Variants in THSD7B observed in about 807,000 individuals in gnomAD.
The protein encoded by THSD7B is thrombospondin type-1 domain-containing protein 7B.
Under a neutral mutation model 213.6 loss-of-function variants are expected in THSD7B, and 138 were observed. The ratio of observed to expected loss-of-function variants is 0.65; its 90% CI spans 0.56 to 0.74. THSD7B has a LOEUF of 0.74. Among genes scored for constraint, THSD7B ranks in the 30% least tolerant of loss-of-function variants. The pLI is 0.00. For synonymous variants in THSD7B, 742 were observed against 687.0 expected (o/e 1.08, Z -1.25); for missense variants, 1,931 against 1,991.5 (o/e 0.97, Z 0.58).
At chr2:137,004,972 C>T (rs1686076056) in intron 2 of THSD7B, among the ~76,000 whole-genome samples, 1 of 152,134 alleles carries the variant, frequency 6.6e-6, no homozygotes, top group Admixed American at 6.5e-5. Flanking sequence ...ATCATTTATT[C>T]ATGCATGAGT....
chr2:137,605,647 A>ATTT (rs1682158902), intron 17 of THSD7B, among the ~76,000 whole-genome samples: 2 of 83,236 alleles, frequency 2.4e-5, no homozygotes, highest in Non-Finnish European at 4.8e-5. Flanking sequence ...GGCACTTCGC[A>ATTT]CTTTTTTTTT....
chr2:137,578,442 T>C (rs982637543), intron 17 of THSD7B, among the ~76,000 whole-genome samples: 1 of 152,208 alleles, frequency 6.6e-6, no homozygotes, highest in Non-Finnish European at 1.5e-5. Context: ...TTCAATTTCA[T>C]GTAGTGTGAA....
At chr2:137,320,819 A>G (rs144240723) in intron 12 of THSD7B, among the ~76,000 whole-genome samples, 5 of 152,192 alleles carry the variant, frequency 3.3e-5, no homozygotes, top group Admixed American at 6.6e-5. Flanking sequence ...TTCTTCGACT[A>G]ATAACATCTG....
intron 1 of THSD7B, among the ~76,000 whole-genome samples, chr2:136,825,540 C>G (rs1682631600): frequency 6.6e-6 from 1 of 151,950 alleles, no homozygotes; most frequent in African/African-American, 2.4e-5. Context: ...TCTTTTTAAC[C>G]TAGCCAGGAG....
At chr2:137,207,810 C>T (rs1681017532) in intron 7 of THSD7B, among the ~76,000 whole-genome samples, 1 of 152,080 alleles carries the variant, frequency 6.6e-6, no homozygotes, top group Non-Finnish European at 1.5e-5. Flanking sequence ...GAAGTATATA[C>T]TGATCTCTGC....
intron 2 of THSD7B, among the ~76,000 whole-genome samples, chr2:136,953,020 A>G (rs6720457): frequency 0.082 from 12,558 of 152,268 alleles, 905 homozygotes; most frequent in African/African-American, 0.19. Context: ...TTCTCAGGAA[A>G]AAAATGAAGA....
chr2:137,013,946 G>A (rs559082446), intron 2 of THSD7B, among the ~76,000 whole-genome samples: 1 of 152,340 alleles, frequency 6.6e-6, no homozygotes, highest in Admixed American at 6.5e-5. Flanking sequence ...CAGAGGATGT[G>A]TTGGCAGATA....
intron 1 of THSD7B, among the ~76,000 whole-genome samples, chr2:136,786,059 T>G (rs1245642610): frequency 1.3e-5 from 2 of 152,164 alleles, no homozygotes; most frequent in African/African-American, 2.4e-5. Flanking sequence ...CAAAGTATTG[T>G]CCATATAATC....
intron 15 of THSD7B, among the ~76,000 whole-genome samples, chr2:137,523,735 G>T (rs895552173): frequency 5.9e-5 from 9 of 152,134 alleles, no homozygotes; most frequent in African/African-American, 1.7e-4. Flanking sequence ...TTACTCCACT[G>T]TGCTGTTTCA....
intron 5 of THSD7B, among the ~76,000 whole-genome samples, chr2:137,140,259 T>C (rs1357083681): frequency 6.6e-6 from 1 of 152,168 alleles, no homozygotes; most frequent in East Asian, 1.9e-4. Context: ...AGGTCCTTCT[T>C]TATAACAATT....
In THSD7B at chr2:137,231,123, C is replaced by T; in HGVS notation, c.1803C>T (p.Asp601=). ...RKSCEIPCRM[D]CVLSEWTEWS... is the part of the protein sequence containing the mutation. The stretch of plus-strand genomic sequence containing the variant: ...CTTGTGAAATTCCCTGCCGAATGGA[C>T]TGTGTGCTGAGCGAGTGGACGGAGT... Residue 601 remains aspartate, a synonymous_variant, in exon 8 of 28, where the codon GAC becomes GAT. Transcript: ENST00000409968. 6.2e-7 allele frequency: 1 copy of T among 1,613,854 alleles called. No homozygotes were observed. Among genetic ancestry groups the T allele is most frequent in the South Asian group, 1.1e-5 (1 of 91,068 alleles).
intron 12 of THSD7B, among the ~76,000 whole-genome samples, chr2:137,308,816 C>G (rs539028963): frequency 1.3e-5 from 2 of 152,198 alleles, no homozygotes; most frequent in Non-Finnish European, 2.9e-5. Flanking sequence ...TGTACTGACA[C>G]ACAACTGTTT....
chr2:136,943,789 T>C (rs867232424), intron 2 of THSD7B, among the ~76,000 whole-genome samples: 12 of 152,318 alleles, frequency 7.9e-5, no homozygotes, highest in African/African-American at 2.6e-4. Context: ...TTTATTAGTC[T>C]TGCTAGCGGT....
intron 2 of THSD7B, among the ~76,000 whole-genome samples, chr2:136,983,396 CTG>C (rs150524205): frequency 1.5e-3 from 223 of 149,982 alleles, no homozygotes; most frequent in Non-Finnish European, 1.3e-3. Flanking sequence ...CTCTCTCTCT[CTG>C]TCTGACTTAG....
At chr2:137,016,133 G>A (rs138061569) in intron 2 of THSD7B, among the ~76,000 whole-genome samples, 118 of 152,198 alleles carry the variant, frequency 7.8e-4, no homozygotes, top group African/African-American at 2.6e-3. Flanking sequence ...CAAGAACCTT[G>A]TAAGGTAGGT....
intron 15 of THSD7B, among the ~76,000 whole-genome samples, chr2:137,487,017 A>T (rs1256300465): frequency 1.3e-5 from 2 of 151,366 alleles, no homozygotes; most frequent in East Asian, 1.9e-4. Context: ...AATTTATAGC[A>T]CTGAATGCCC....
chr2:137,178,643 A>G (rs1680402125), intron 7 of THSD7B, among the ~76,000 whole-genome samples: 3 of 152,230 alleles, frequency 2.0e-5, no homozygotes, highest in Non-Finnish European at 4.4e-5. Context: ...ATAGAGACTC[A>G]TTCTAATCAG....
chr2:137,601,763 G>A (rs985633292), intron 17 of THSD7B, among the ~76,000 whole-genome samples: 5 of 152,052 alleles, frequency 3.3e-5, no homozygotes, highest in South Asian at 2.1e-4. Flanking sequence ...AGCATTCTTC[G>A]TCCCTCTTTA....
Position 137,283,793 on chromosome 2 carries a change from C to T in THSD7B, c.2500+7767C>T, listed in dbSNP as rs1376339739. Among the ~76,000 whole-genome samples the T allele has an allele frequency of 1.1e-4, 16 of 152,048 alleles. No individual in the cohort carries two copies. In the East Asian group the frequency reaches 1.2e-3, roughly 11 times the overall value. ...AAGCTTTTTGATGTGTTGCTGGATT[C>T]GGTTTGCCAGTATTTTATTGAGGGT... On this transcript the variant is annotated intron_variant, in intron 12 of 27. Coordinates refer to ENST00000409968, the MANE Select transcript of THSD7B (RefSeq NM_001316349.2).
Sources: allele counts gnomAD v4.1 joint callset (sites outside exome capture counted in the v4.1 genomes callset), GRCh38; gene constraint gnomAD v4.1.1; transcripts MANE v1.5; gene names NCBI Gene and HGNC (gene_info 2026-07-23, HGNC 2026-07-21).